Variants in SRGAP2 observed in about 807,000 individuals in gnomAD.
The protein encoded by SRGAP2 is SLIT-ROBO Rho GTPase-activating protein 2.
SRGAP2 carries 15 observed loss-of-function variants against 57.2 expected under a neutral mutation model. That is an observed-to-expected ratio of 0.26 (90% CI 0.18 to 0.40). SRGAP2 has a LOEUF of 0.40. Among genes scored for constraint, SRGAP2 ranks in the 10% least tolerant of loss-of-function variants. The pLI is 1.00. For synonymous variants in SRGAP2, 249 were observed against 248.0 expected (o/e 1.00, Z -0.04); for missense variants, 520 against 669.6 (o/e 0.78, Z 2.47).
intron 14 of SRGAP2, 109 bp from the exon 15 acceptor site, chr1:206,436,856 C>A: frequency 1.4e-6 from 1 of 738,766 alleles, no homozygotes; most frequent in South Asian, 1.4e-5. Flanking sequence ...AGAGAGACAG[C>A]GTGCTTAAAT....
chr1:206,372,881 TTTCTTTCTTTCTCTC>T (rs1654649924), intron 4 of SRGAP2, among the ~76,000 whole-genome samples: 1 of 81,788 alleles, frequency 1.2e-5, no homozygotes, highest in African/African-American at 4.8e-5. Context: ...GGTAGATTCC[TTTCTTTCTTTCTCTC>T]TCCTTTCTTT....
At chr1:206,455,962 C>G (rs1470644518) in intron 21 of SRGAP2, 1 of 152,318 alleles carries the variant, frequency 6.6e-6, no homozygotes, top group East Asian at 1.9e-4. Flanking sequence ...CCGCCAGGCC[C>G]TGAAACCTGG....
At chr1:206,239,080 C>CAA (rs1668052453) in intron 2 of SRGAP2, among the ~76,000 whole-genome samples, 2 of 151,498 alleles carry the variant, frequency 1.3e-5, no homozygotes, top group Non-Finnish European at 2.9e-5. Context: ...GTCTTTTGTC[C>CAA]TTCCACACTT....
intron 2 of SRGAP2, among the ~76,000 whole-genome samples, chr1:206,284,187 GAGT>G (rs1190472894): frequency 7.0e-6 from 1 of 143,818 alleles, no homozygotes; most frequent in Non-Finnish European, 1.5e-5. Context: ...ATCTACAAGG[GAGT>G]AACACCTTGT....
Position 206,458,880 on chromosome 1 carries a change from C to T in SRGAP2, c.2765C>T (p.Thr922Ile), listed in dbSNP as rs1457940830. ...CTGGATAGTCCACAGATCCGGAAGA[C>T]TGCCACAGCGGGAAGGTCAAAAAGC... ...NRLDSPQIRK[T>I]ATAGRSKSFN... Residue 922 changes from threonine to isoleucine, a missense_variant, in exon 22 of 23, where the codon ACT becomes ATT. Physicochemically the swap from Thr to Ile is moderately conservative, Grantham distance 89. This residue lies in a region of SRGAP2 where 478 missense variants were observed against 373.6 expected (regional missense o/e 1.28). Coordinates refer to ENST00000573034, the MANE Select transcript of SRGAP2 (RefSeq NM_015326.5). 2 of 780,498 alleles carry T rather than the reference C, an allele frequency of 2.6e-6. No individual in the cohort carries two copies. The highest frequency in any genetic ancestry group is 4.8e-6 in the Non-Finnish European group (2 of 417,808). 48.3% of individuals were successfully genotyped at this position (780,498 alleles called of 1,614,324 possible). A position where few individuals can be genotyped will look rare whatever the true frequency, so the allele number is the denominator to read the frequency against.
At chr1:206,402,386 G>C (rs1437733529) in intron 8 of SRGAP2, among the ~76,000 whole-genome samples, 11 of 152,196 alleles carry the variant, frequency 7.2e-5, no homozygotes, top group African/African-American at 2.7e-4. Flanking sequence ...AGAGGCAGGA[G>C]AAGCTCCTCG....
intron 2 of SRGAP2, among the ~76,000 whole-genome samples, chr1:206,251,796 C>T (rs1668850445): frequency 1.1e-5 from 1 of 89,452 alleles, no homozygotes; most frequent in South Asian, 4.9e-4. Flanking sequence ...CCTCCGCCTC[C>T]TGGATTCAAG....
Position 206,454,424 on chromosome 1 carries a change from G to A in SRGAP2, c.2361-454G>A, listed in dbSNP as rs1344267501. On this transcript the variant is annotated intron_variant, in intron 20 of 22. Coordinates refer to ENST00000573034, the MANE Select transcript of SRGAP2 (RefSeq NM_015326.5). The surrounding 1 kb of genome is among the most constrained non-coding windows in gnomAD (Gnocchi z 4.3). ...GAGCGGGGCTAGAGGCGCTACGACA[G>A]TGTGTGGCGGTGTCCTGCCACGACG... 1 of 528,674 alleles carries A rather than the reference G, an allele frequency of 1.9e-6. No individual in the cohort carries two copies. The allele number at this position is 528,674 out of a possible 1,614,324, so 32.7% of individuals were successfully genotyped here.
intron 4 of SRGAP2, among the ~76,000 whole-genome samples, chr1:206,372,919 CTT>C (rs1458020038): frequency 1.5e-4 from 1 of 6,462 alleles, no homozygotes; most frequent in African/African-American, 2.4e-3. Context: ...TTCTTTCTTT[CTT>C]TCTTTCTTTC....
intron 17 of SRGAP2, among the ~76,000 whole-genome samples, chr1:206,444,858 C>T (rs1174811308): frequency 6.6e-6 from 1 of 152,210 alleles, no homozygotes; most frequent in Non-Finnish European, 1.5e-5. Flanking sequence ...CTCTAGAGAA[C>T]AGTGATTCTC....
Position 206,461,479 on chromosome 1 carries a change from T to C in SRGAP2, c.*59T>C. 1.5e-6 allele frequency: 1 copy of C among 667,866 alleles called. No homozygotes were observed. The highest frequency in any genetic ancestry group is 2.8e-6 in the Non-Finnish European group (1 of 363,004). The allele number at this position is 667,866 out of a possible 1,614,324, so 41.4% of individuals were successfully genotyped here. ...CTATAGGGACTGACTGTTATTAAAA[T>C]CTTCCTATTTAACTAGCTTGGGGAC... On this transcript the variant is annotated 3_prime_UTR_variant, in exon 23 of 23. Coordinates refer to ENST00000573034, the MANE Select transcript of SRGAP2 (RefSeq NM_015326.5).
At chr1:206,418,017 A>G (rs1195852814) in intron 11 of SRGAP2, among the ~76,000 whole-genome samples, 1 of 151,384 alleles carries the variant, frequency 6.6e-6, no homozygotes, top group African/African-American at 2.4e-5. Context: ...ACATTTATGC[A>G]CCAAATGTGC....
intron 2 of SRGAP2, among the ~76,000 whole-genome samples, chr1:206,285,304 AC>A (rs1196825175): frequency 2.6e-5 from 4 of 151,810 alleles, no homozygotes; most frequent in Non-Finnish European, 5.9e-5. Flanking sequence ...ACAGAAAGAT[AC>A]AGGGGAGATA....
intron 5 of SRGAP2, among the ~76,000 whole-genome samples, chr1:206,386,888 G>C (rs1316751914): frequency 6.6e-6 from 1 of 151,342 alleles, no homozygotes; most frequent in Non-Finnish European, 1.5e-5. Flanking sequence ...ACTTTGGGAG[G>C]CTGAGGTGGG....
chr1:206,378,733 C>T (rs1439588295), intron 4 of SRGAP2, among the ~76,000 whole-genome samples: 5 of 152,082 alleles, frequency 3.3e-5, no homozygotes, highest in East Asian at 1.9e-4. Context: ...CACCAATCAG[C>T]GCTCTGTGTC....
intron 7 of SRGAP2, among the ~76,000 whole-genome samples, chr1:206,393,986 A>AC (rs1359079708): frequency 7.3e-6 from 1 of 136,912 alleles, no homozygotes; most frequent in Middle Eastern, 3.4e-3. Context: ...TGATGACTCA[A>AC]CCCAGGCTCA....
intron 19 of SRGAP2, among the ~76,000 whole-genome samples, chr1:206,452,437 A>C (rs868911999): frequency 6.6e-6 from 1 of 152,232 alleles, no homozygotes; most frequent in Non-Finnish European, 1.5e-5. Flanking sequence ...TTTAGAATAC[A>C]TGTATGTATT....
intron 14 of SRGAP2, among the ~76,000 whole-genome samples, chr1:206,430,570 C>T (rs1303543913): frequency 1.3e-5 from 2 of 152,214 alleles, no homozygotes; most frequent in African/African-American, 2.4e-5. Flanking sequence ...GGGTATCTCC[C>T]ACTGTACAGC....
chr1:206,208,848 A>T (rs528469097), intron 2 of SRGAP2, among the ~76,000 whole-genome samples: 1 of 152,144 alleles, frequency 6.6e-6, no homozygotes, highest in Admixed American at 6.5e-5. Context: ...TTTAGAGTCA[A>T]AGTGATTCAG....
Sources: allele counts gnomAD v4.1 joint callset (sites outside exome capture counted in the v4.1 genomes callset), GRCh38; gene constraint gnomAD v4.1.1; regional missense constraint gnomAD v4.1.1; non-coding constraint Gnocchi (gnomAD v3.1); transcripts MANE v1.5; gene names NCBI Gene and HGNC (gene_info 2026-07-23, HGNC 2026-07-21).